The following LRCH1 variants were observed in gnomAD, a reference collection of about 807,000 sequenced individuals.
LRCH1 encodes the protein leucine rich repeats and calponin homology domain containing 1, also known as leucine-rich repeat and calponin homology domain-containing protein 1.
Under a neutral mutation model 94.9 loss-of-function variants are expected in LRCH1, and 23 were observed. That is an observed-to-expected ratio of 0.24 (90% CI 0.17 to 0.34). The LOEUF (loss-of-function observed/expected upper bound fraction) is 0.34, where lower values mean the gene tolerates loss of function less well. LRCH1 is among the 10% of genes least tolerant of loss of function. LRCH1 has a pLI of 1.00. For missense variants in LRCH1, 790 were observed against 945.9 expected (o/e 0.84, Z 2.16); for synonymous variants, 364 against 354.9 (o/e 1.03, Z -0.29).
At chr13:46,746,300 C>T (rs968532240), downstream of LRCH1, among the ~76,000 whole-genome samples, 1 of 152,194 alleles carries the variant, frequency 6.6e-6, no homozygotes, top group South Asian at 2.1e-4. Flanking sequence ...GTGCCAGGCA[C>T]ATAGGAGGTA....
At chr13:46,585,094 A>G (rs1286066283) in intron 1 of LRCH1, among the ~76,000 whole-genome samples, 1 of 152,250 alleles carries the variant, frequency 6.6e-6, no homozygotes, top group Non-Finnish European at 1.5e-5. Flanking sequence ...CATTTTTCAT[A>G]GGTAACTGGA....
chr13:46,668,988 G>A, intron 2 of LRCH1, 42 bp from the exon 3 acceptor site: 1 of 1,609,900 alleles, frequency 6.2e-7, no homozygotes, highest in South Asian at 1.1e-5. Context: ...GTATGAAGTG[G>A]CCTTTCTGTT....
In LRCH1 at chr13:46,741,683, T is replaced by C. The variant is rs1401637030; in HGVS notation, c.2127T>C (p.Phe709=). Reference sequence around the variant, plus strand: ...CGTGTGACATCCTGCAGTTGGATTTTCGTCACATTCGAAAGACTGTTGACA... The same window carrying C: ...CGTGTGACATCCTGCAGTTGGATTTCCGTCACATTCGAAAGACTGTTGACA... ...CSPCDILQLD[F]RHIRKTVDTL... The change falls in exon 20 of 20, where the codon TTT becomes TTC. Residue 709 remains phenylalanine, a synonymous_variant. Coordinates refer to ENST00000389797, the MANE Select transcript of LRCH1 (RefSeq NM_001164211.2). 1.2e-6 allele frequency: 2 copies of C among 1,614,208 alleles called. No individual in the cohort carries two copies. The highest frequency in any genetic ancestry group is 1.7e-5 in the Admixed American group (1 of 60,030).
chr13:46,647,085 G>A (rs1773133), intron 1 of LRCH1, among the ~76,000 whole-genome samples: 6 of 149,134 alleles, frequency 4.0e-5, no homozygotes, highest in Non-Finnish European at 7.4e-5. Flanking sequence ...TGCACTCCAG[G>A]CTGGGTGACA....
intron 1 of LRCH1, among the ~76,000 whole-genome samples, chr13:46,631,311 G>T (rs1038204157): frequency 6.6e-6 from 1 of 152,264 alleles, no homozygotes; most frequent in East Asian, 1.9e-4. Context: ...CAATTTTGAG[G>T]CTTTTTAGGT....
downstream of LRCH1, among the ~76,000 whole-genome samples, chr13:46,746,648 A>G (rs1224008177): frequency 6.6e-6 from 1 of 152,248 alleles, no homozygotes; most frequent in Non-Finnish European, 1.5e-5. Flanking sequence ...ATAAAGGTAC[A>G]GCTGTCTCTG....
intron 16 of LRCH1, among the ~76,000 whole-genome samples, chr13:46,716,668 C>T (rs1224344002): frequency 6.6e-6 from 1 of 152,102 alleles, no homozygotes; most frequent in African/African-American, 2.4e-5. Context: ...AAAATTCAAC[C>T]AAAAATGCTT....
Position 46,637,578 on chromosome 13 carries a change from G to A in LRCH1, c.308-12623G>A, listed in dbSNP as rs368539684. Among the ~76,000 whole-genome samples the A allele has an allele frequency of 3.1e-3, 467 of 152,260 alleles. 3 individuals are homozygous for A. The highest frequency in any genetic ancestry group is 0.019 in the South Asian group (92 of 4,820). ...CTTTTCTGCTCTCTGTCCCTCTGGG[G>A]AAAGGCTCAGCCCTTAAGGATCCCG... is the stretch of plus-strand genomic sequence containing the variant. On this transcript the variant is annotated intron_variant, in intron 1 of 19. Transcript: ENST00000389797.
chr13:46,580,648 A>G (rs2050354750), intron 1 of LRCH1, among the ~76,000 whole-genome samples: 1 of 152,224 alleles, frequency 6.6e-6, no homozygotes, highest in Non-Finnish European at 1.5e-5. Flanking sequence ...GAACAAAAGG[A>G]AAGTCCCTTC....
In LRCH1 at chr13:46,670,998, G is replaced by A. The variant is rs79390736; in HGVS notation, c.579+1842G>A. Among the ~76,000 whole-genome samples, 1,216 of 152,312 alleles carry A rather than the reference G, an allele frequency of 8.0e-3. 18 individuals carry two copies. Among genetic ancestry groups the A allele is most frequent in the African/African-American group, 0.027 (1,140 of 41,566 alleles). On this transcript the variant is annotated intron_variant, in intron 3 of 19. Transcript: ENST00000389797. ...CCACTGCCTTAGATTTAGGCCACAG[G>A]CAACTCCTTCACAGGGCATTCGAGG...
intron 3 of LRCH1, among the ~76,000 whole-genome samples, chr13:46,675,902 C>T (rs1161517217): frequency 6.6e-6 from 1 of 152,220 alleles, no homozygotes; most frequent in African/African-American, 2.4e-5. Context: ...GAAAAAGACA[C>T]TGGTGTTGAA....
rs1872954016 is a variant in LRCH1, at chr13:46,728,790, T to A, written c.1870-57T>A. 24 of 1,488,946 alleles carry A rather than the reference T, an allele frequency of 1.6e-5. No homozygotes were observed. In the South Asian group the frequency reaches 3.1e-4, roughly 19 times the overall value. The allele number at this position is 1,488,946 out of a possible 1,614,324, so 92.2% of individuals were successfully genotyped here. A position where few individuals can be genotyped will look rare whatever the true frequency, so the allele number is the denominator to read the frequency against. ...TTCATAAATACCCATAAATGTATTT[T>A]ACTCACAGTTACCTCAGTGTTCATA... On this transcript the variant is annotated intron_variant, in intron 17 of 19. Coordinates refer to ENST00000389797, the MANE Select transcript of LRCH1 (RefSeq NM_001164211.2).
rs17068776 is a variant in LRCH1, at chr13:46,743,327, G to A, written c.*1479G>A. On this transcript the variant is annotated 3_prime_UTR_variant, in exon 20 of 20. Coordinates refer to ENST00000389797, the MANE Select transcript of LRCH1 (RefSeq NM_001164211.2). ...GATTCCTTGCTGCTAAGTCAGATCA[G>A]ATTTGCTAACAGGAAGCATTCTTTA... 3,197 of 985,822 alleles carry A rather than the reference G, an allele frequency of 3.2e-3. 85 individuals carry two copies. In the African/African-American group the frequency reaches 0.052, roughly 16 times the overall value. The allele number at this position is 985,822 out of a possible 1,614,324, so 61.1% of individuals were successfully genotyped here.
intron 1 of LRCH1, among the ~76,000 whole-genome samples, chr13:46,635,759 C>T (rs1329373863): frequency 2.0e-5 from 3 of 149,478 alleles, no homozygotes. Flanking sequence ...GCGTGAGCCA[C>T]CGCACCCGGC....
chr13:46,626,518 T>G (rs372914874), intron 1 of LRCH1, among the ~76,000 whole-genome samples: 2 of 152,210 alleles, frequency 1.3e-5, no homozygotes, highest in African/African-American at 4.8e-5. Context: ...CTTTGTGAGA[T>G]CCACTCCTGC....
intron 18 of LRCH1, among the ~76,000 whole-genome samples, chr13:46,733,052 G>A (rs111783234): frequency 2.6e-5 from 4 of 152,034 alleles, no homozygotes; most frequent in Non-Finnish European, 4.4e-5. Context: ...TCTATAAGAC[G>A]GAATGAATTC....
chr13:46,650,772 T>C (rs952245347), intron 2 of LRCH1, among the ~76,000 whole-genome samples: 22 of 151,144 alleles, frequency 1.5e-4, no homozygotes, highest in African/African-American at 4.1e-4. Flanking sequence ...TTGGCAATTA[T>C]TGGTAACATT....
chr13:46,656,951 C>T (rs1236268771), intron 2 of LRCH1, among the ~76,000 whole-genome samples: 4 of 152,010 alleles, frequency 2.6e-5, no homozygotes, highest in African/African-American at 9.7e-5. Context: ...TACATATCAC[C>T]TGATCATAGC....
At chr13:46,566,408 C>G (rs984028954) in intron 1 of LRCH1, among the ~76,000 whole-genome samples, 3 of 152,140 alleles carry the variant, frequency 2.0e-5, no homozygotes, top group Non-Finnish European at 4.4e-5. Flanking sequence ...GCTTCAACAT[C>G]TCCCTGAGGC....
Sources: allele counts gnomAD v4.1 joint callset (sites outside exome capture counted in the v4.1 genomes callset), GRCh38; gene constraint gnomAD v4.1.1; transcripts MANE v1.5; gene names NCBI Gene and HGNC (gene_info 2026-07-23, HGNC 2026-07-21).